The following CTTNBP2 variants were observed in gnomAD, a reference collection of about 807,000 sequenced individuals.
CTTNBP2 encodes the protein cortactin-binding protein 2.
Under a neutral mutation model 156.9 loss-of-function variants are expected in CTTNBP2, and 108 were observed. That is an observed-to-expected ratio of 0.69 (90% CI 0.59 to 0.81). The LOEUF (loss-of-function observed/expected upper bound fraction) is 0.81. Ranked by LOEUF, CTTNBP2 falls within the 30% of genes least tolerant of loss-of-function variation. The probability of loss-of-function intolerance (pLI) is 0.00; values close to 1 mark genes in which losing one functional copy is unlikely to be tolerated. For synonymous variants in CTTNBP2, 767 were observed against 751.8 expected, an observed-to-expected ratio of 1.02 and a Z score of -0.33; for missense variants, 1,924 against 2,035.4, an observed-to-expected ratio of 0.95 and a Z score of 1.05.
chr7:117,809,887 ATGG>A lies in CTTNBP2; in HGVS notation c.414+875_414+877del, dbSNP rs375731091. On this transcript the variant is annotated intron_variant, in intron 3 of 22. Transcript: ENST00000160373. ...CATTTTAATTTATGCTTTAATAATA[ATGG>A]TGGAGAGAACATATTAGTTTTAATT... is the stretch of plus-strand genomic sequence containing the variant. Among the ~76,000 whole-genome samples the A allele has an allele frequency of 5.8e-4, 88 of 152,336 alleles. 2 individuals are homozygous for A. Among genetic ancestry groups the A allele is most frequent in the African/African-American group, 2.0e-3 (84 of 41,570 alleles).
chr7:117,724,197 T>C (rs1794958370), intron 19 of CTTNBP2, among the ~76,000 whole-genome samples: 1 of 152,098 alleles, frequency 6.6e-6, no homozygotes, highest in African/African-American at 2.4e-5. Flanking sequence ...AAGATTAACT[T>C]AGGAGTGACA....
chr7:117,717,636 TCGGATTGAAGGA>T (rs1794500278), intron 22 of CTTNBP2, among the ~76,000 whole-genome samples: 1 of 152,032 alleles, frequency 6.6e-6, no homozygotes, highest in Admixed American at 6.6e-5. Flanking sequence ...CTCTAGGTTA[TCGGATTGAAGGA>T]ATATAGTGTA....
At position 117,723,332 on chromosome 7, in the gene CTTNBP2, A is replaced by G. The variant is rs10254828; in HGVS notation, c.4447+1215T>C. On this transcript the variant is annotated intron_variant, in intron 19 of 22. Coordinates refer to ENST00000160373, the MANE Select transcript of CTTNBP2 (RefSeq NM_033427.3). ...AAATTTTTATTAAAATTAACAAAAT[A>G]CAAGCTTAAAAATGAAAATATACTC... is the stretch of plus-strand genomic sequence containing the variant. 9.1e-3 allele frequency among the ~76,000 whole-genome samples: 1,384 copies of G among 152,312 alleles called. 20 individuals carry two copies. The highest frequency in any genetic ancestry group is 0.031 in the African/African-American group (1,287 of 41,564).
chr7:117,869,412 A>G (rs1563081496), intron 1 of CTTNBP2, among the ~76,000 whole-genome samples: 1 of 152,128 alleles, frequency 6.6e-6, no homozygotes, highest in Non-Finnish European at 1.5e-5. Flanking sequence ...CATTCAGTAA[A>G]TATTTGTGGA....
rs973154213 is a variant in CTTNBP2, at chr7:117,858,421, G to A, written c.189+2788C>T. On this transcript the variant is annotated intron_variant, in intron 2 of 22. Coordinates refer to ENST00000160373, the MANE Select transcript of CTTNBP2 (RefSeq NM_033427.3). ...AAAACAAAGAGCCTCCATATACACC[G>A]AGTTCCACAGGGCAGGCTGTGTGAA... Among the ~76,000 whole-genome samples, 5 of 152,142 alleles carry A rather than the reference G, an allele frequency of 3.3e-5. 1 individual carries two copies. The highest frequency in any genetic ancestry group is 1.3e-4 in the Admixed American group (2 of 15,266).
intron 8 of CTTNBP2, among the ~76,000 whole-genome samples, chr7:117,770,995 T>G (rs1797767563): frequency 6.6e-6 from 1 of 152,224 alleles, no homozygotes; most frequent in African/African-American, 2.4e-5. Context: ...AGTTTAGGCC[T>G]CAGCTTTCAC....
At chr7:117,734,827 T>G (rs1299761196) in intron 16 of CTTNBP2, 86 bp downstream of exon 16, 1 of 1,044,860 alleles carries the variant, frequency 9.6e-7, no homozygotes. Flanking sequence ...GCTGCATAGT[T>G]AGTGAGTGGT....
At chr7:117,765,974 C>A (rs2116689967) in intron 9 of CTTNBP2, among the ~76,000 whole-genome samples, 1 of 152,284 alleles carries the variant, frequency 6.6e-6, no homozygotes, top group South Asian at 2.1e-4. Flanking sequence ...CCCAGCCATG[C>A]CAATATGCTT....
intron 2 of CTTNBP2, among the ~76,000 whole-genome samples, chr7:117,854,597 T>G (rs1803139493): frequency 6.6e-6 from 1 of 152,204 alleles, no homozygotes; most frequent in African/African-American, 2.4e-5. Context: ...TGTAATTCAA[T>G]TTTAAATAGT....
chr7:117,800,785 A>G (rs1799566257), intron 3 of CTTNBP2, among the ~76,000 whole-genome samples: 1 of 152,112 alleles, frequency 6.6e-6, no homozygotes, highest in African/African-American at 2.4e-5. Flanking sequence ...GACAGACAAG[A>G]TATATAGCTA....
intron 16 of CTTNBP2, 75 bp from the exon 17 acceptor site, chr7:117,728,342 A>G (rs1795218992): frequency 2.7e-6 from 3 of 1,093,728 alleles, no homozygotes; most frequent in African/African-American, 3.2e-5. Flanking sequence ...AATTAAAAAT[A>G]TAAAACTTTA....
chr7:117,791,284 C>T lies in CTTNBP2; in HGVS notation c.1912G>A (p.Ala638Thr). Reference protein sequence around the residue: ...VSALATSQVGAWPAATPGLNQ... With the variant: ...VSALATSQVGTWPAATPGLNQ... ...AGTCCGGGGGTTGCAGCAGGCCAGG[C>T]ACCCACCTGAGACGTGGCCAGGGCT... Residue 638 changes from alanine (A) to threonine (T), a missense_variant, in exon 4 of 23, where the codon GCC (alanine) becomes ACC (threonine). Physicochemically the swap from Ala to Thr is moderately conservative, Grantham distance 58 (BLOSUM62 0). Coordinates refer to ENST00000160373, the MANE Select transcript of CTTNBP2 (RefSeq NM_033427.3). 2 of 1,614,120 alleles carry T rather than the reference C, an allele frequency of 1.2e-6. No individual in the cohort carries two copies. The highest frequency in any genetic ancestry group is 1.3e-5 in the African/African-American group (1 of 75,034).
intron 2 of CTTNBP2, among the ~76,000 whole-genome samples, chr7:117,851,601 A>C (rs1802933229): frequency 6.6e-6 from 1 of 152,208 alleles, no homozygotes; most frequent in Non-Finnish European, 1.5e-5. Context: ...AGTGAATCTT[A>C]ATTGTCAACT....
intron 7 of CTTNBP2, among the ~76,000 whole-genome samples, chr7:117,778,364 T>A (rs1184540517): frequency 9.9e-5 from 15 of 152,228 alleles, no homozygotes; most frequent in Non-Finnish European, 2.2e-4. Flanking sequence ...ATACTGATCA[T>A]TATAAGCTTA....
rs1197858596 is a variant in CTTNBP2 at position 117,782,945 on chromosome 7, C to T, written c.2289G>A (p.Leu763=). ...KNGHTDCVRL[L]LSAEAQVNAA... ...CATTGACTTGGGCTTCTGCACTCAG[C>T]AGCAATCTCACACAGTCTATGGATT... Residue 763 remains leucine (L), a synonymous_variant, in exon 6 of 23, where the codon CTG becomes CTA. Transcript: ENST00000160373. 1 of 1,613,586 alleles carries T rather than the reference C, an allele frequency of 6.2e-7. No homozygotes were observed. The highest frequency in any genetic ancestry group is 1.7e-5 in the Admixed American group (1 of 60,016).
At chr7:117,795,394 G>A (rs1438965362) in intron 3 of CTTNBP2, among the ~76,000 whole-genome samples, 2 of 152,094 alleles carry the variant, frequency 1.3e-5, no homozygotes, top group African/African-American at 4.8e-5. Flanking sequence ...TTACAGCAAT[G>A]TAAGAAAAAC....
At chr7:117,828,169 A>G (rs938840422) in intron 2 of CTTNBP2, among the ~76,000 whole-genome samples, 3 of 152,238 alleles carry the variant, frequency 2.0e-5, no homozygotes, top group African/African-American at 7.2e-5. Context: ...CAGTAATTTT[A>G]CCACCATTAA....
chr7:117,861,900 C>CA (rs1272837885), intron 1 of CTTNBP2, among the ~76,000 whole-genome samples: 2 of 151,962 alleles, frequency 1.3e-5, no homozygotes, highest in African/African-American at 4.8e-5. Flanking sequence ...AAGATGTCAC[C>CA]AAAAAATCCA....
In CTTNBP2 at chr7:117,782,880, G is replaced by C; in HGVS notation, c.2354C>G (p.Ala785Gly). Residue 785 changes from alanine to glycine, a missense_variant, in exon 6 of 23, where the codon GCT (alanine) becomes GGT (glycine). Coordinates refer to ENST00000160373, the MANE Select transcript of CTTNBP2 (RefSeq NM_033427.3). ...KNGFTPLCAA[A>G]AQGHFECVEL... ...AACTTACTCGAAATGTCCCTGAGCA[G>C]CTGCAGCACACAAGGGTGTGAAGCC... 6.2e-7 allele frequency: 1 copy of C among 1,613,382 alleles called. No homozygotes were observed.
Sources: gnomAD v4.1 joint callset for allele counts (sites outside exome capture counted in the v4.1 genomes callset) on GRCh38, gnomAD v4.1.1 for gene constraint, MANE v1.5 for transcripts, NCBI Gene and HGNC (gene_info 2026-07-23, HGNC 2026-07-21) for gene names.